ASCC3: variants seen among roughly 807,000 people sequenced by gnomAD.
The protein encoded by ASCC3 is activating signal cointegrator 1 complex subunit 3.
Under a neutral mutation model 256.3 loss-of-function variants are expected in ASCC3, and 158 were observed. That is an observed-to-expected ratio of 0.62 (90% confidence interval 0.54 to 0.70). The LOEUF (loss-of-function observed/expected upper bound fraction) is 0.70. ASCC3 is among the 30% of genes least tolerant of loss of function. The pLI is 0.00. For missense variants in ASCC3, 2,259 were observed against 2,626.0 expected (o/e 0.86, Z 3.05); for synonymous variants, 948 against 883.4 (o/e 1.07, Z -1.30).
At chr6:100,615,075 G>C (rs150799398) in intron 30 of ASCC3, among the ~76,000 whole-genome samples, 2,247 of 151,898 alleles carry the variant, frequency 0.015, 41 homozygotes, top group African/African-American at 0.052. Context: ...GAGTGCAGTG[G>C]CGTGATTTTG....
chr6:100,566,333 C>T (rs891566595), intron 36 of ASCC3, among the ~76,000 whole-genome samples: 8 of 152,132 alleles, frequency 5.3e-5, no homozygotes, highest in African/African-American at 1.9e-4. Flanking sequence ...TTGCCAGTTA[C>T]ACAAAGAGGT....
At chr6:100,580,033 A>AT (rs547312432) in intron 36 of ASCC3, among the ~76,000 whole-genome samples, 1 of 151,798 alleles carries the variant, frequency 6.6e-6, no homozygotes, top group African/African-American at 2.4e-5. Context: ...CGTTATAGAG[A>AT]TTTTTTATCT....
At chr6:100,546,888 T>A (rs192421381) in intron 36 of ASCC3, among the ~76,000 whole-genome samples, 1 of 152,116 alleles carries the variant, frequency 6.6e-6, no homozygotes, top group Admixed American at 6.5e-5. Context: ...TTTGACCCCA[T>A]GGAAAAAAAT....
At chr6:100,517,928 T>C in intron 38 of ASCC3, 63 bp downstream of exon 38, 2 of 1,542,242 alleles carry the variant, frequency 1.3e-6, no homozygotes, top group Non-Finnish European at 1.8e-6. Context: ...AGTGACTACA[T>C]ATATAAAAAA....
intron 13 of ASCC3, among the ~76,000 whole-genome samples, chr6:100,705,353 T>C (rs1778529230): frequency 1.3e-5 from 2 of 152,062 alleles, no homozygotes; most frequent in South Asian, 4.1e-4. Flanking sequence ...AACATCAGCA[T>C]GGTTTTTGAA....
intron 37 of ASCC3, among the ~76,000 whole-genome samples, chr6:100,525,191 A>G (rs1441942580): frequency 6.7e-6 from 1 of 150,006 alleles, no homozygotes; most frequent in Non-Finnish European, 1.5e-5. Flanking sequence ...AAAGAAAGAA[A>G]GAAAAAGAAA....
intron 14 of ASCC3, among the ~76,000 whole-genome samples, chr6:100,678,663 T>C (rs1777144726): frequency 6.6e-6 from 1 of 151,990 alleles, no homozygotes; most frequent in Non-Finnish European, 1.5e-5. Flanking sequence ...TATATAAAAT[T>C]TAAAGTTACT....
chr6:100,625,102 T>A, intron 30 of ASCC3, 90 bp downstream of exon 30: 2 of 1,489,388 alleles, frequency 1.3e-6, no homozygotes, highest in East Asian at 2.4e-5. Context: ...ATTTCTTCTT[T>A]CCCTATAATA....
At chr6:100,809,990 A>G (rs1770381132) in intron 4 of ASCC3, among the ~76,000 whole-genome samples, 1 of 152,090 alleles carries the variant, frequency 6.6e-6, no homozygotes, top group Admixed American at 6.6e-5. Context: ...CTAACACGCA[A>G]ATCTGTTCAC....
At chr6:100,611,578 C>T (rs1246967631) in intron 30 of ASCC3, among the ~76,000 whole-genome samples, 1 of 151,872 alleles carries the variant, frequency 6.6e-6, no homozygotes, top group Non-Finnish European at 1.5e-5. Flanking sequence ...CACATTTAAT[C>T]CTTTATATAA....
intron 36 of ASCC3, 60 bp downstream of exon 36, chr6:100,589,574 G>T: frequency 6.3e-7 from 1 of 1,599,940 alleles, no homozygotes; most frequent in Non-Finnish European, 8.5e-7. Context: ...AGACAAACTA[G>T]GTGGCAAAAC....
intron 10 of ASCC3, among the ~76,000 whole-genome samples, chr6:100,736,151 T>A (rs1297761826): frequency 8.6e-6 from 1 of 115,688 alleles, no homozygotes; most frequent in Non-Finnish European, 1.9e-5. Context: ...ACAATATTGG[T>A]GATAACTATT....
At chr6:100,601,958 G>A in intron 33 of ASCC3, 23 bp from the exon 34 acceptor site, 1 of 1,609,630 alleles carries the variant, frequency 6.2e-7, no homozygotes, top group Middle Eastern at 1.7e-4. Flanking sequence ...CAAGACATGG[G>A]AAGCATACAA....
chr6:100,537,537 A>G (rs2114657308), intron 37 of ASCC3, among the ~76,000 whole-genome samples: 1 of 152,290 alleles, frequency 6.6e-6, no homozygotes, highest in South Asian at 2.1e-4. Context: ...CTGAACCAAC[A>G]CCGAGTTAAG....
At chr6:100,579,547 A>G (rs1771082524) in intron 36 of ASCC3, among the ~76,000 whole-genome samples, 2 of 151,936 alleles carry the variant, frequency 1.3e-5, no homozygotes, top group African/African-American at 4.8e-5. Flanking sequence ...TCCTATTTCA[A>G]TCTTCTGCAT....
At chr6:100,835,976 A>C (rs563800461) in intron 4 of ASCC3, among the ~76,000 whole-genome samples, 1 of 152,152 alleles carries the variant, frequency 6.6e-6, no homozygotes, top group African/African-American at 2.4e-5. Context: ...TCCCTGATTA[A>C]ATCTATTCTC....
Position 100,744,618 on chromosome 6 carries a change from C to A in ASCC3, c.1738-18915G>T, listed in dbSNP as rs566555973. On this transcript the variant is annotated intron_variant, in intron 10 of 41. Coordinates refer to ENST00000369162, the MANE Select transcript of ASCC3 (RefSeq NM_006828.4). ...ATTTTGCAGTCTTCGATGTTTTATT[C>A]AGGAGGCATGTCCATTTTTCAACTT... Among the ~76,000 whole-genome samples, 17 of 152,216 alleles carry A rather than the reference C, an allele frequency of 1.1e-4. No individual in the cohort carries two copies. In the South Asian group the frequency reaches 1.2e-3, roughly 11 times the overall value.
chr6:100,756,343 CTTTTAA>C (rs1562274708), intron 10 of ASCC3, among the ~76,000 whole-genome samples: 2 of 151,850 alleles, frequency 1.3e-5, no homozygotes, highest in Non-Finnish European at 1.5e-5. Context: ...CTATTTTCAA[CTTTTAA>C]TTTAATTTAA....
At chr6:100,627,771 A>G (rs1009422957) in intron 28 of ASCC3, 61 bp from the exon 29 acceptor site, 2 of 1,608,078 alleles carry the variant, frequency 1.2e-6, no homozygotes, top group Non-Finnish European at 1.7e-6. Context: ...ATAAGGTTAT[A>G]ATATCTCTTA....
Sources: gnomAD v4.1 joint callset for allele counts (sites outside exome capture counted in the v4.1 genomes callset) on GRCh38, gnomAD v4.1.1 for gene constraint, MANE v1.5 for transcripts, NCBI Gene and HGNC (gene_info 2026-07-23, HGNC 2026-07-21) for gene names.